The following MYBL2 variants were observed in gnomAD, a reference collection of about 807,000 sequenced individuals.
The protein encoded by MYBL2 is MYB proto-oncogene like 2, also known as myb-related protein B.
In MYBL2, 28 loss-of-function variants were observed where a neutral mutation model predicts 79.9. The ratio of observed to expected loss-of-function variants is 0.35; its 90% CI spans 0.26 to 0.48. The LOEUF is 0.48. Ranked by LOEUF, MYBL2 falls within the 20% of genes least tolerant of loss-of-function variation. The pLI is 0.99. For missense variants in MYBL2, 735 were observed against 893.9 expected (o/e 0.82, Z 2.27); for synonymous variants, 378 against 361.2 (o/e 1.05, Z -0.53).
intron 1 of MYBL2, among the ~76,000 whole-genome samples, chr20:43,673,509 C>T (rs2145706611): frequency 6.6e-6 from 1 of 151,870 alleles, no homozygotes; most frequent in South Asian, 2.1e-4. Context: ...TGGTGGCATA[C>T]CCCTGTAGTC....
At chr20:43,704,063 G>T (rs896079245) in intron 8 of MYBL2, among the ~76,000 whole-genome samples, 8 of 152,264 alleles carry the variant, frequency 5.3e-5, no homozygotes, top group Admixed American at 4.6e-4. Flanking sequence ...CTGGAGGCTG[G>T]AGTGCAGTGG....
At chr20:43,676,563 C>T (rs920488132) in intron 2 of MYBL2, among the ~76,000 whole-genome samples, 11 of 152,156 alleles carry the variant, frequency 7.2e-5, no homozygotes, top group Non-Finnish European at 1.3e-4. Context: ...CAGCGTTTCA[C>T]CTGTTGATGG....
rs759876969 is a variant in MYBL2 at position 43,700,055 on chromosome 20, C to G, written c.951+11C>G. The G allele has an allele frequency of 5.6e-6, 9 of 1,611,006 alleles. No individual in the cohort carries two copies. The South Asian group carries it at 7.7e-5, about 14-fold the overall frequency. On this transcript the variant is annotated intron_variant, in intron 7 of 13. Transcript: ENST00000217026. ...GACTTGATCGAGTCGGTATGTTGGT[C>G]ACAACACTTCACAGTGAGCACAGAA...
At chr20:43,693,464 G>T (rs775134632) in intron 6 of MYBL2, among the ~76,000 whole-genome samples, 1 of 151,988 alleles carries the variant, frequency 6.6e-6, no homozygotes, top group African/African-American at 2.4e-5. Context: ...TCAGCATCCC[G>T]AGTAGCTGGG....
At position 43,699,988 on chromosome 20, in the gene MYBL2, C is replaced by T. The variant is rs763674712; in HGVS notation, c.895C>T (p.Leu299Phe). Residue 299 changes from leucine (L) to phenylalanine (F), a missense_variant, in exon 7 of 14, where the codon CTC becomes TTC. This residue lies in a region of MYBL2 where 243 missense variants were observed against 327.2 expected (regional missense o/e 0.74). Transcript: ENST00000217026. ...CAAGTGGGTGGTGGAGGCAGCTAAC[C>T]TCCTCATCCCTGCTGTGGGTTCTAG... is the stretch of plus-strand genomic sequence containing the variant. ...PYKWVVEAAN[L>F]LIPAVGSSLS... 4 of 1,614,096 alleles carry T rather than the reference C, an allele frequency of 2.5e-6. No homozygotes were observed. The highest frequency in any genetic ancestry group is 2.2e-5 in the South Asian group (2 of 91,084).
At position 43,681,806 on chromosome 20, in the gene MYBL2, T is replaced by C; in HGVS notation, c.137T>C (p.Val46Ala). The C allele has an allele frequency of 6.2e-7, 1 of 1,614,208 alleles. No homozygotes were observed. Among genetic ancestry groups the C allele is most frequent in the Non-Finnish European group, 8.5e-7 (1 of 1,180,038 alleles). ...CAGGACGAGCAGCTGAGGGCCCTGG[T>C]GAGGCAGTTTGGACAGCAGGACTGG... is the stretch of plus-strand genomic sequence containing the variant. ...HEEDEQLRAL[V>A]RQFGQQDWKF... is the part of the protein sequence containing the mutation. Residue 46 changes from valine to alanine, a missense_variant, in exon 3 of 14, where the codon GTG becomes GCG. Val to Ala is a moderately conservative substitution (Grantham distance 64). This residue lies in a region of MYBL2 where 79 missense variants were observed against 86.7 expected (regional missense o/e 0.91). Transcript: ENST00000217026.
chr20:43,684,299 G>A (rs1488804775), intron 4 of MYBL2, among the ~76,000 whole-genome samples: 6 of 151,364 alleles, frequency 4.0e-5, no homozygotes, highest in Admixed American at 3.3e-4. Flanking sequence ...GTGCAATGGC[G>A]TGATCTTGGC....
intron 9 of MYBL2, among the ~76,000 whole-genome samples, chr20:43,706,538 A>G (rs1987786033): frequency 6.6e-6 from 1 of 151,742 alleles, no homozygotes; most frequent in East Asian, 1.9e-4. Flanking sequence ...GTGATACATA[A>G]TTTCGGGAAA....
At chr20:43,699,165 A>G (rs886687631) in intron 6 of MYBL2, among the ~76,000 whole-genome samples, 15 of 151,988 alleles carry the variant, frequency 9.9e-5, no homozygotes, top group African/African-American at 3.1e-4. Flanking sequence ...CAGCCTCCCG[A>G]GTAGCTAGGA....
chr20:43,667,484 G>C (rs1986746442), intron 1 of MYBL2, among the ~76,000 whole-genome samples, 181 bp downstream of exon 1: 1 of 152,162 alleles, frequency 6.6e-6, no homozygotes, highest in Admixed American at 6.5e-5. Context: ...CGCGCGTAAA[G>C]CTGGGGGGCT....
Position 43,702,573 on chromosome 20 carries a change from G to A in MYBL2, c.1035G>A (p.Val345=). 4.3e-6 allele frequency: 7 copies of A among 1,614,190 alleles called. No individual in the cohort carries two copies. In the South Asian group the frequency reaches 5.5e-5, roughly 13 times the overall value. ...SAEDSINNSL[V]QLQASHQQQV... ...AGGACAGTATCAACAACAGCCTAGT[G>A]CAGCTGCAAGCGTCACATCAGCAGC... The change falls in exon 8 of 14, where the codon GTG becomes GTA. Residue 345 remains valine, a synonymous_variant. Transcript: ENST00000217026.
intron 1 of MYBL2, among the ~76,000 whole-genome samples, chr20:43,672,319 G>T (rs1244399341): frequency 4.6e-5 from 7 of 152,206 alleles, no homozygotes; most frequent in African/African-American, 1.7e-4. Context: ...GCCAGACACG[G>T]TGGTGCACAC....
chr20:43,681,713 C>T, intron 2 of MYBL2, 71 bp from the exon 3 acceptor site: 8 of 1,490,130 alleles, frequency 5.4e-6, no homozygotes, highest in African/African-American at 1.4e-5. Flanking sequence ...TTAGATTGGG[C>T]TCTGTCACGG....
At chr20:43,703,741 T>C (rs1453512202) in intron 8 of MYBL2, among the ~76,000 whole-genome samples, 3 of 152,050 alleles carry the variant, frequency 2.0e-5, no homozygotes, top group African/African-American at 7.2e-5. Context: ...CACCCTGTCA[T>C]CACGGGTCAG....
intron 6 of MYBL2, 71 bp from the exon 7 acceptor site, chr20:43,699,686 G>A: frequency 2.7e-6 from 4 of 1,492,008 alleles, no homozygotes; most frequent in Non-Finnish European, 3.6e-6. Context: ...CAGGTTGTGT[G>A]GTTTAGCTGG....
At chr20:43,711,223 A>C (rs1987897573) in intron 10 of MYBL2, among the ~76,000 whole-genome samples, 1 of 152,110 alleles carries the variant, frequency 6.6e-6, no homozygotes, top group Admixed American at 6.5e-5. Flanking sequence ...AATGACGGTT[A>C]CTGCACAGGG....
chr20:43,710,742 C>T (rs1987886746), intron 10 of MYBL2, among the ~76,000 whole-genome samples: 1 of 152,144 alleles, frequency 6.6e-6, no homozygotes, highest in South Asian at 2.1e-4. Flanking sequence ...GCTGAGGCTC[C>T]CTTGGGCCTG....
At chr20:43,714,873 C>T (rs1987992010) in intron 12 of MYBL2, among the ~76,000 whole-genome samples, 1 of 152,238 alleles carries the variant, frequency 6.6e-6, no homozygotes, top group Admixed American at 6.5e-5. Flanking sequence ...TCGTGATCCG[C>T]CTGCCTCGGC....
chr20:43,716,452 TTTTTTGG>T lies in MYBL2; in HGVS notation c.*366_*372del, dbSNP rs1988036231. Reference sequence around the variant, plus strand: ...CTGTGCTCACCCTCTCTTGGTGCATTTTTTTGGAAGAATAAAATTGCCTCTCTCTTTG... The same window carrying T: ...CTGTGCTCACCCTCTCTTGGTGCATTAAGAATAAAATTGCCTCTCTCTTTG... On this transcript the variant is annotated 3_prime_UTR_variant, in exon 14 of 14. Transcript: ENST00000217026. 2.4e-5 allele frequency: 6 copies of T among 250,050 alleles called. No homozygotes were observed. The South Asian group carries it at 3.9e-4, about 16-fold the overall frequency. 15.5% of individuals were successfully genotyped at this position (250,050 alleles called of 1,614,324 possible).
Sources: allele counts gnomAD v4.1 joint callset (sites outside exome capture counted in the v4.1 genomes callset), GRCh38; gene constraint gnomAD v4.1.1; regional missense constraint gnomAD v4.1.1; transcripts MANE v1.5; gene names NCBI Gene and HGNC (gene_info 2026-07-23, HGNC 2026-07-21).